The following UIMC1 variants were observed in gnomAD, a reference collection of about 807,000 sequenced individuals.
The protein encoded by UIMC1 is BRCA1-A complex subunit RAP80.
Under a neutral mutation model 84.9 loss-of-function variants are expected in UIMC1, and 42 were observed. The ratio of observed to expected loss-of-function variants is 0.49; its 90% CI spans 0.39 to 0.64. The LOEUF (loss-of-function observed/expected upper bound fraction) is 0.64, where lower values mean the gene tolerates loss of function less well. Among genes scored for constraint, UIMC1 ranks in the 30% least tolerant of loss-of-function variants. UIMC1 has a pLI of 0.00. For synonymous variants in UIMC1, 281 were observed against 293.0 expected, an observed-to-expected ratio of 0.96 and a Z score of 0.42; for missense variants, 825 against 847.6, an observed-to-expected ratio of 0.97 and a Z score of 0.33.
At chr5:176,990,139 C>T (rs376201278) in intron 1 of UIMC1, among the ~76,000 whole-genome samples, 5 of 151,772 alleles carry the variant, frequency 3.3e-5, no homozygotes, top group Admixed American at 2.6e-4. Context: ...CGAGATCGAG[C>T]CACTGCACTC....
intron 11 of UIMC1, 143 bp downstream of exon 11, chr5:176,911,165 GAAA>G (rs2149390745): frequency 9.7e-6 from 2 of 206,438 alleles, no homozygotes; most frequent in South Asian, 1.5e-4. Flanking sequence ...GAAAAGAAAA[GAAA>G]AGAAAAGAAA....
At chr5:177,010,199 G>C (rs139495392), upstream of UIMC1, among the ~76,000 whole-genome samples, 1 of 152,252 alleles carries the variant, frequency 6.6e-6, no homozygotes, top group East Asian at 1.9e-4. Context: ...CTGAGTGACA[G>C]AGTGAGACCC....
chr5:177,001,300 T>C (rs1049879849), intron 1 of UIMC1: 1 of 152,216 alleles, frequency 6.6e-6, no homozygotes, highest in Non-Finnish European at 1.5e-5. Context: ...GGCAACTTTG[T>C]CGAAAATGAG....
At chr5:176,949,511 TTC>T (rs1230206778) in intron 9 of UIMC1, among the ~76,000 whole-genome samples, 1 of 152,206 alleles carries the variant, frequency 6.6e-6, no homozygotes, top group Non-Finnish European at 1.5e-5. Context: ...ATTTAGAAGA[TTC>T]TGTTTCTTCC....
At chr5:177,002,919 C>G (rs1459342610) in intron 1 of UIMC1, among the ~76,000 whole-genome samples, 2 of 152,034 alleles carry the variant, frequency 1.3e-5, no homozygotes, top group Non-Finnish European at 2.9e-5. Flanking sequence ...ACACAGTAGG[C>G]ACTTGCACTT....
chr5:177,006,464 CG>C (rs1198899917), intron 1 of UIMC1, 185 bp downstream of exon 1: 1 of 152,166 alleles, frequency 6.6e-6, no homozygotes, highest in Non-Finnish European at 1.5e-5. Flanking sequence ...CCCCGGCGTC[CG>C]GAGCCCACCC....
chr5:176,991,488 G>A (rs1398688444), intron 1 of UIMC1, among the ~76,000 whole-genome samples: 1 of 151,714 alleles, frequency 6.6e-6, no homozygotes, highest in Non-Finnish European at 1.5e-5. Flanking sequence ...CAGAAAGACT[G>A]CCTCTCGATC....
chr5:176,995,378 G>A (rs781082142), intron 1 of UIMC1, among the ~76,000 whole-genome samples: 4 of 150,508 alleles, frequency 2.7e-5, no homozygotes, highest in Non-Finnish European at 4.4e-5. Flanking sequence ...GTGAAACCCC[G>A]TCTTTACTAA....
At chr5:176,916,560 T>C (rs1581366407) in intron 10 of UIMC1, among the ~76,000 whole-genome samples, 1 of 152,256 alleles carries the variant, frequency 6.6e-6, no homozygotes, top group Non-Finnish European at 1.5e-5. Context: ...TCCTAACCTG[T>C]TGAATGAGAT....
intron 11 of UIMC1, 119 bp from the exon 12 acceptor site, chr5:176,908,813 A>C (rs1326966948): frequency 9.9e-7 from 1 of 1,007,430 alleles, no homozygotes; most frequent in Non-Finnish European, 1.4e-6. Flanking sequence ...GAGGAGACAT[A>C]TCAACCAATG....
chr5:176,943,544 A>G lies in UIMC1; in HGVS notation c.1444-56T>C. The G allele has an allele frequency of 1.9e-6, 3 of 1,580,260 alleles. No individual in the cohort carries two copies. The South Asian group carries it at 3.5e-5, about 19-fold the overall frequency. On this transcript the variant is annotated intron_variant, in intron 9 of 14. Coordinates refer to ENST00000511320, the MANE Select transcript of UIMC1 (RefSeq NM_001199298.2). ...AGCTTTAGTTCATATCATTCCCTAC[A>G]ACGAACTGCAAGAGACTCCACCCCA...
At chr5:176,995,926 T>C (rs1773551413) in intron 1 of UIMC1, among the ~76,000 whole-genome samples, 1 of 151,604 alleles carries the variant, frequency 6.6e-6, no homozygotes, top group African/African-American at 2.4e-5. Context: ...AAAATAAGCA[T>C]GTATCTACTA....
chr5:176,951,980 C>G (rs67334206), intron 8 of UIMC1, among the ~76,000 whole-genome samples: 20,078 of 152,180 alleles, frequency 0.13, 1,678 homozygotes, highest in East Asian at 0.19. Flanking sequence ...ATAATTTTGT[C>G]TCTCATATAA....
chr5:176,960,562 G>A (rs1436281826), intron 6 of UIMC1, among the ~76,000 whole-genome samples: 1 of 151,690 alleles, frequency 6.6e-6, no homozygotes. Flanking sequence ...AGGAAGGGAT[G>A]GTTTGCATTG....
At chr5:177,002,458 C>T (rs1282852954) in intron 1 of UIMC1, among the ~76,000 whole-genome samples, 2 of 152,092 alleles carry the variant, frequency 1.3e-5, no homozygotes, top group South Asian at 2.1e-4. Flanking sequence ...ACAATTAAGA[C>T]GGGTTCACTC....
At chr5:176,944,560 C>T (rs1014784862) in intron 9 of UIMC1, among the ~76,000 whole-genome samples, 1 of 152,174 alleles carries the variant, frequency 6.6e-6, no homozygotes, top group African/African-American at 2.4e-5. Context: ...CAAGGGACAC[C>T]CGGGCTGTCA....
chr5:177,017,575 G>C (rs1775699035), intron 1 of UIMC1, among the ~76,000 whole-genome samples: 1 of 151,810 alleles, frequency 6.6e-6, no homozygotes, highest in Non-Finnish European at 1.5e-5. Context: ...TTTTAGTAGA[G>C]ACGAGGTTTC....
At chr5:176,987,301 C>T (rs1181209032) in intron 1 of UIMC1, among the ~76,000 whole-genome samples, 1 of 152,092 alleles carries the variant, frequency 6.6e-6, no homozygotes, top group African/African-American at 2.4e-5. Context: ...ATACAAAAAC[C>T]AATTGCATTC....
At chr5:176,976,121 T>G (rs1380110800) in intron 2 of UIMC1, among the ~76,000 whole-genome samples, 1 of 151,922 alleles carries the variant, frequency 6.6e-6, no homozygotes, top group Non-Finnish European at 1.5e-5. Flanking sequence ...TGTAGAGAGA[T>G]CCTGTCCTTA....
Sources: allele counts gnomAD v4.1 joint callset (sites outside exome capture counted in the v4.1 genomes callset), GRCh38; gene constraint gnomAD v4.1.1; transcripts MANE v1.5; gene names NCBI Gene and HGNC (gene_info 2026-07-23, HGNC 2026-07-21).